ENTPD3: variants seen among roughly 807,000 people sequenced by gnomAD.
The protein encoded by ENTPD3 is CD39 antigen-like 3.
In ENTPD3, 60 loss-of-function variants were observed where a neutral mutation model predicts 51.2. The observed-to-expected ratio is 1.17, with a 90% confidence interval of 0.95 to 1.45. ENTPD3 has a LOEUF of 1.45. Ranked by LOEUF, ENTPD3 falls within the 40% of genes most tolerant of loss-of-function variation. The pLI is 0.00. For missense variants in ENTPD3, 593 were observed against 641.1 expected, an observed-to-expected ratio of 0.93 and a Z score of 0.81; for synonymous variants, 221 against 238.4, an observed-to-expected ratio of 0.93 and a Z score of 0.67.
intron 7 of ENTPD3, among the ~76,000 whole-genome samples, chr3:40,419,820 T>C (rs1216319450): frequency 1.3e-5 from 2 of 152,224 alleles, no homozygotes; most frequent in African/African-American, 4.8e-5. Context: ...AGTTTTACTC[T>C]AAGATCAGAT....
At chr3:40,397,022 T>C (rs1369801644) in intron 3 of ENTPD3, among the ~76,000 whole-genome samples, 1 of 151,906 alleles carries the variant, frequency 6.6e-6, no homozygotes, top group East Asian at 1.9e-4. Context: ...CATTCCCTTT[T>C]AACCCTCATT....
intron 3 of ENTPD3, among the ~76,000 whole-genome samples, chr3:40,400,297 C>T (rs1478884826): frequency 1.3e-5 from 2 of 151,622 alleles, no homozygotes; most frequent in Non-Finnish European, 2.9e-5. Context: ...AAGGAAATGC[C>T]TCTACCCTGT....
chr3:40,410,238 C>G (rs1298013557), intron 4 of ENTPD3, among the ~76,000 whole-genome samples: 1 of 152,010 alleles, frequency 6.6e-6, no homozygotes, highest in African/African-American at 2.4e-5. Flanking sequence ...GCCAGGAGTT[C>G]GAGACCAGCC....
chr3:40,403,878 G>T (rs1955431037), intron 4 of ENTPD3, among the ~76,000 whole-genome samples: 1 of 151,944 alleles, frequency 6.6e-6, no homozygotes, highest in South Asian at 2.1e-4. Context: ...TGAACTTCTG[G>T]GCTCAAGCCA....
chr3:40,418,448 A>G (rs1050313747), intron 7 of ENTPD3, among the ~76,000 whole-genome samples: 1 of 152,196 alleles, frequency 6.6e-6, no homozygotes, highest in Non-Finnish European at 1.5e-5. Context: ...ATAAGGAACT[A>G]CGTAGTGTGG....
Position 40,411,837 on chromosome 3 carries a change from T to C in ENTPD3, c.312T>C (p.Asn104=). The change falls in exon 5 of 11, where the codon AAT becomes AAC. Residue 104 remains asparagine (N), a synonymous_variant. Coordinates refer to ENST00000301825, the MANE Select transcript of ENTPD3 (RefSeq NM_001248.4). ...VKGSGISSYG[N]NPQDVPRAFE... ...GCTCTGGAATCTCCAGCTATGGAAA[T>C]AACCCCCAAGATGTCCCCAGAGCCT... The C allele has an allele frequency of 1.3e-6, 2 of 1,589,940 alleles. No individual in the cohort carries two copies. The highest frequency in any genetic ancestry group is 1.7e-6 in the Non-Finnish European group (2 of 1,168,458).
intron 4 of ENTPD3, among the ~76,000 whole-genome samples, chr3:40,408,890 A>T (rs1955563134): frequency 6.6e-6 from 1 of 151,812 alleles, no homozygotes; most frequent in Admixed American, 6.6e-5. Flanking sequence ...AAAGGAAGTA[A>T]GATCATCCAT....
chr3:40,421,881 T>C (rs750313077), intron 7 of ENTPD3, among the ~76,000 whole-genome samples: 1 of 152,162 alleles, frequency 6.6e-6, no homozygotes, highest in Non-Finnish European at 1.5e-5. Context: ...AAACTGGCAA[T>C]AGTGATTGTT....
intron 7 of ENTPD3, among the ~76,000 whole-genome samples, chr3:40,416,300 A>T (rs1955746815): frequency 6.6e-6 from 1 of 152,144 alleles, no homozygotes. Context: ...TTTGAGTAAG[A>T]AGTCTAGGGA....
chr3:40,391,973 G>T (rs1485992658), intron 2 of ENTPD3, 50 bp from the exon 3 acceptor site: 1 of 1,607,886 alleles, frequency 6.2e-7, no homozygotes, highest in Non-Finnish European at 8.5e-7. Flanking sequence ...GAATACCAGT[G>T]CCTGGTTTTT....
In ENTPD3 at chr3:40,415,909, G is replaced by A; in HGVS notation, c.667G>A (p.Ala223Thr). Residue 223 changes from alanine (A) to threonine (T), a missense_variant, in exon 7 of 11, where the codon GCC becomes ACC. Coordinates refer to ENST00000301825, the MANE Select transcript of ENTPD3 (RefSeq NM_001248.4). ...ETTGALDLGG[A>T]STQISFVAGE... ...CACGGGTGCCCTGGACTTAGGTGGT[G>A]CCTCCACCCAAATATCCTTCGTGGC... 5 of 1,614,150 alleles carry A rather than the reference G, an allele frequency of 3.1e-6. No homozygotes were observed. The highest frequency in any genetic ancestry group is 3.4e-6 in the Non-Finnish European group (4 of 1,180,020).
At chr3:40,424,955 ACTCT>A (rs1955954478) in intron 10 of ENTPD3, 1 of 538,856 alleles carries the variant, frequency 1.9e-6, no homozygotes, top group Non-Finnish European at 3.4e-6. Context: ...GGTAGCATGT[ACTCT>A]CTAAGCTTTG....
At position 40,411,920 on chromosome 3, in the gene ENTPD3, C is replaced by A. The variant is rs1346230794; in HGVS notation, c.395C>A (p.Thr132Asn). 1 of 1,611,946 alleles carries A rather than the reference C, an allele frequency of 6.2e-7. No individual in the cohort carries two copies. Among genetic ancestry groups the A allele is most frequent in the Admixed American group, 1.7e-5 (1 of 59,672 alleles). The change falls in exon 5 of 11, where the codon ACC (threonine) becomes AAC (asparagine). Residue 132 changes from threonine to asparagine, a missense_variant. Thr to Asn is a moderately conservative substitution (Grantham distance 65). Transcript: ENST00000301825. ...GTTCCATCCCACCTCCACGGATCCA[C>A]CCCCATTCACCTGGGAGCCACGGCT... Reference protein sequence around the residue: ...GQVPSHLHGSTPIHLGATAGM... With the variant: ...GQVPSHLHGSNPIHLGATAGM...
chr3:40,425,249 C>G (rs1955958483), intron 10 of ENTPD3, among the ~76,000 whole-genome samples: 1 of 151,546 alleles, frequency 6.6e-6, no homozygotes, highest in African/African-American at 2.4e-5. Flanking sequence ...GAAACCCTGT[C>G]TCTACTAAAA....
At chr3:40,388,145 G>C (rs1264271839) in intron 2 of ENTPD3, 48 bp downstream of exon 2, 2 of 1,562,574 alleles carry the variant, frequency 1.3e-6, no homozygotes, top group Non-Finnish European at 1.8e-6. Flanking sequence ...CAAATCGCAA[G>C]AGAACCCCAG....
Position 40,401,011 on chromosome 3 carries a change from G to A in ENTPD3, c.286G>A (p.Gly96Ser), listed in dbSNP as rs376474213. The change falls in exon 4 of 11, where the codon GGC becomes AGC. Residue 96 changes from glycine to serine, a missense_variant and splice_region_variant. Coordinates refer to ENST00000301825, the MANE Select transcript of ENTPD3 (RefSeq NM_001248.4). ...TCAAACCTTCAAATGTAGTGTGAAA[G>A]GTAAGGACTGAAGTGTGTCTGGGAG... ...VSQTFKCSVK[G>S]SGISSYGNNP... The A allele has an allele frequency of 1.9e-6, 3 of 1,608,314 alleles. No individual in the cohort carries two copies. Among genetic ancestry groups the A allele is most frequent in the Non-Finnish European group, 2.6e-6 (3 of 1,174,742 alleles).
At position 40,411,960 on chromosome 3, in the gene ENTPD3, G is replaced by A. The variant is rs1396732104; in HGVS notation, c.435G>A (p.Leu145=). The A allele has an allele frequency of 6.2e-7, 1 of 1,610,226 alleles. No homozygotes were observed. The highest frequency in any genetic ancestry group is 2.2e-5 in the East Asian group (1 of 44,720). ...GAGCCACGGCTGGGATGCGCTTGCT[G>A]AGGTAAAGGCTAAGTGGCACAAAGG... ...HLGATAGMRL[L]RLQNETAANE... The change falls in exon 5 of 11, where the codon CTG becomes CTA. Residue 145 remains leucine (L), a splice_region_variant and synonymous_variant. Coordinates refer to ENST00000301825, the MANE Select transcript of ENTPD3 (RefSeq NM_001248.4).
chr3:40,421,191 T>C (rs1955865535), intron 7 of ENTPD3, among the ~76,000 whole-genome samples: 2 of 151,754 alleles, frequency 1.3e-5, no homozygotes, highest in Non-Finnish European at 2.9e-5. Context: ...GCCTGGCTAA[T>C]TTTTGTATTT....
Position 40,415,984 on chromosome 3 carries a change from T to C in ENTPD3, c.742T>C (p.Tyr248His), listed in dbSNP as rs767258033. ...CAGCGACATCATGCAGGTGTCCCTGTATGGCTACGTATACACGCTCTACAC... is the reference window on the plus strand; with the variant it reads ...CAGCGACATCATGCAGGTGTCCCTGCATGGCTACGTATACACGCTCTACAC... ...NTSDIMQVSLYGYVYTLYTHS... is the reference protein window; with the variant it reads ...NTSDIMQVSLHGYVYTLYTHS... The change falls in exon 7 of 11, where the codon TAT becomes CAT. Residue 248 changes from tyrosine (Y) to histidine (H), a missense_variant. Physicochemically the swap from Tyr to His is moderately conservative, Grantham distance 83. Transcript: ENST00000301825. The C allele has an allele frequency of 1.2e-6, 2 of 1,613,320 alleles. No homozygotes were observed. Among genetic ancestry groups the C allele is most frequent in the African/African-American group, 2.7e-5 (2 of 74,662 alleles).
Sources: allele counts gnomAD v4.1 joint callset (sites outside exome capture counted in the v4.1 genomes callset), GRCh38; gene constraint gnomAD v4.1.1; transcripts MANE v1.5; gene names NCBI Gene and HGNC (gene_info 2026-07-23, HGNC 2026-07-21).